KCNH7: variants seen among roughly 807,000 people sequenced by gnomAD.
The protein encoded by KCNH7 is voltage-gated inwardly rectifying potassium channel KCNH7.
KCNH7 carries 49 observed loss-of-function variants against 120.8 expected under a neutral mutation model. The ratio of observed to expected loss-of-function variants is 0.41; its 90% CI spans 0.32 to 0.51. The LOEUF is 0.51. KCNH7 is among the 20% of genes least tolerant of loss of function. The pLI is 0.38. For missense variants in KCNH7, 1,097 were observed against 1,446.6 expected, an observed-to-expected ratio of 0.76 and a Z score of 3.92; for synonymous variants, 547 against 516.1, an observed-to-expected ratio of 1.06 and a Z score of -0.81.
intron 2 of KCNH7, among the ~76,000 whole-genome samples, chr2:162,615,208 G>A (rs896384756): frequency 2.0e-5 from 3 of 152,170 alleles, no homozygotes; most frequent in African/African-American, 7.2e-5. Context: ...TGTGCAGGGA[G>A]CCTGTAGCCA....
intron 2 of KCNH7, among the ~76,000 whole-genome samples, chr2:162,715,177 A>T (rs1298228233): frequency 6.6e-6 from 1 of 152,180 alleles, no homozygotes; most frequent in Non-Finnish European, 1.5e-5. Flanking sequence ...TGGTTCTGCA[A>T]GCTGTACAGG....
chr2:162,522,599 A>C (rs1163031190), intron 3 of KCNH7, among the ~76,000 whole-genome samples: 1 of 151,858 alleles, frequency 6.6e-6, no homozygotes, highest in Non-Finnish European at 1.5e-5. Flanking sequence ...TCATCCTTGT[A>C]AGTTAAGTCT....
intron 2 of KCNH7, among the ~76,000 whole-genome samples, chr2:162,586,025 A>G (rs576099810): frequency 5.1e-4 from 77 of 152,170 alleles, no homozygotes; most frequent in African/African-American, 1.5e-3. Context: ...TTTTCTTCCC[A>G]TATAGTTATG....
chr2:162,738,700 A>G (rs1688007544), intron 2 of KCNH7, among the ~76,000 whole-genome samples: 1 of 152,214 alleles, frequency 6.6e-6, no homozygotes, highest in African/African-American at 2.4e-5. Context: ...GCAATTTCTT[A>G]TCCTTACTGA....
At chr2:162,809,361 G>T (rs1234372653) in intron 2 of KCNH7, among the ~76,000 whole-genome samples, 3 of 152,144 alleles carry the variant, frequency 2.0e-5, no homozygotes, top group Admixed American at 6.5e-5. Flanking sequence ...TGAAGAATTA[G>T]ATTATTCAGA....
chr2:162,524,461 G>A (rs1234902746), intron 3 of KCNH7, among the ~76,000 whole-genome samples: 2 of 152,004 alleles, frequency 1.3e-5, no homozygotes, highest in Non-Finnish European at 2.9e-5. Context: ...AGATGTCTGG[G>A]CTTAGGGCCA....
At chr2:162,429,381 G>GTTTTTTTTT (rs1158431426) in intron 8 of KCNH7, among the ~76,000 whole-genome samples, 1 of 43,420 alleles carries the variant, frequency 2.3e-5, no homozygotes, top group African/African-American at 1.4e-4. Context: ...TGAGGAAAAA[G>GTTTTTTTTT]TCTTTTTTTT....
intron 2 of KCNH7, among the ~76,000 whole-genome samples, chr2:162,738,005 A>G (rs1451844224): frequency 1.3e-5 from 2 of 148,752 alleles, no homozygotes; most frequent in Non-Finnish European, 3.0e-5. Context: ...CAGAGGTTGC[A>G]GTGAGCTGAG....
chr2:162,634,630 G>A (rs1683891520), intron 2 of KCNH7, among the ~76,000 whole-genome samples: 1 of 151,942 alleles, frequency 6.6e-6, no homozygotes, highest in South Asian at 2.1e-4. Context: ...TGAGACCCAG[G>A]GCCTTAAGGA....
chr2:162,753,016 A>G (rs1688652127), intron 2 of KCNH7, among the ~76,000 whole-genome samples: 2 of 147,834 alleles, frequency 1.4e-5, no homozygotes, highest in Admixed American at 6.8e-5. Flanking sequence ...AAGAAAAGAA[A>G]AGAAAAGAAA....
chr2:162,669,475 TA>T (rs1457911426), intron 2 of KCNH7, among the ~76,000 whole-genome samples: 1 of 152,186 alleles, frequency 6.6e-6, no homozygotes, highest in Admixed American at 6.6e-5. Flanking sequence ...ATTATAAATC[TA>T]GGAGGTGTAC....
intron 6 of KCNH7, among the ~76,000 whole-genome samples, chr2:162,486,899 A>G (rs1690115517): frequency 6.6e-6 from 1 of 152,180 alleles, no homozygotes; most frequent in Non-Finnish European, 1.5e-5. Context: ...AGAACCTTAA[A>G]CATGCTAATT....
chr2:162,423,377 G>A lies in KCNH7; in HGVS notation c.2113C>T (p.Gln705Ter). 1.2e-6 allele frequency: 2 copies of A among 1,614,112 alleles called. No individual in the cohort carries two copies. The highest frequency in any genetic ancestry group is 1.7e-6 in the Non-Finnish European group (2 of 1,179,960). ...CCATTGGTGTAAGTCCATGCGTGCT[G>A]GAAATATTCTTCAAGACGTTGCCTC... is the stretch of plus-strand genomic sequence containing the variant. ...PLRQRLEEYFQHAWTYTNGID... is the reference protein window; with the variant it reads ...PLRQRLEEYF The change falls in exon 9 of 16, where the codon CAG (glutamine) becomes TAG (stop). Residue 705 changes from glutamine (Q) to a stop codon, truncating the protein, a stop_gained. Coordinates refer to ENST00000332142, the MANE Select transcript of KCNH7 (RefSeq NM_033272.4). LOFTEE classifies it high-confidence loss of function.
chr2:162,576,403 T>C (rs777699508), intron 2 of KCNH7, among the ~76,000 whole-genome samples: 1 of 152,030 alleles, frequency 6.6e-6, no homozygotes, highest in Non-Finnish European at 1.5e-5. Flanking sequence ...AGATGAAATG[T>C]CTCCCAATTC....
At chr2:162,676,422 A>G (rs544179144) in intron 2 of KCNH7, among the ~76,000 whole-genome samples, 1 of 151,648 alleles carries the variant, frequency 6.6e-6, no homozygotes, top group South Asian at 2.1e-4. Flanking sequence ...TTCTGAAATA[A>G]TTATAAACTT....
chr2:162,704,460 G>A (rs941607094), intron 2 of KCNH7, among the ~76,000 whole-genome samples: 3 of 152,118 alleles, frequency 2.0e-5, no homozygotes, highest in Non-Finnish European at 4.4e-5. Context: ...ACATTTGATT[G>A]TATAGAAATT....
intron 6 of KCNH7, among the ~76,000 whole-genome samples, chr2:162,474,730 C>A (rs535785867): frequency 6.6e-6 from 1 of 152,280 alleles, no homozygotes; most frequent in East Asian, 1.9e-4. Context: ...ACCAGCCTTG[C>A]TGGAAGGCTC....
intron 3 of KCNH7, among the ~76,000 whole-genome samples, chr2:162,525,289 T>A (rs13404207): frequency 0.26 from 39,557 of 151,842 alleles, 8,903 homozygotes; most frequent in African/African-American, 0.58. Context: ...GTAGCAAGGC[T>A]TGAGAACAAT....
At chr2:162,719,460 G>A (rs1687248426) in intron 2 of KCNH7, among the ~76,000 whole-genome samples, 1 of 151,960 alleles carries the variant, frequency 6.6e-6, no homozygotes, top group Non-Finnish European at 1.5e-5. Flanking sequence ...GGGTAACTAT[G>A]AGAGGATTTG....
Sources: allele counts gnomAD v4.1 joint callset (sites outside exome capture counted in the v4.1 genomes callset), GRCh38; gene constraint gnomAD v4.1.1; transcripts MANE v1.5; gene names NCBI Gene and HGNC (gene_info 2026-07-23, HGNC 2026-07-21).